ZBTB44: variants seen among roughly 807,000 people sequenced by gnomAD.
The protein encoded by ZBTB44 is zinc finger and BTB domain containing 44.
ZBTB44 carries 15 observed loss-of-function variants against 54.0 expected under a neutral mutation model. The observed-to-expected ratio is 0.28, with a 90% CI of 0.19 to 0.43. ZBTB44 has a LOEUF of 0.43. Among genes scored for constraint, ZBTB44 ranks in the 20% least tolerant of loss-of-function variants. The pLI is 1.00. For missense variants in ZBTB44, 487 were observed against 707.1 expected, an observed-to-expected ratio of 0.69 and a Z score of 3.53; for synonymous variants, 230 against 250.1, an observed-to-expected ratio of 0.92 and a Z score of 0.76.
At chr11:130,292,327 G>A (rs1050171617) in intron 1 of ZBTB44, among the ~76,000 whole-genome samples, 1 of 152,040 alleles carries the variant, frequency 6.6e-6, no homozygotes, top group Non-Finnish European at 1.5e-5. Context: ...TTATACTGCA[G>A]TGATTCCATA....
At chr11:130,241,123 G>C (rs1012616015) in intron 2 of ZBTB44, among the ~76,000 whole-genome samples, 1 of 152,062 alleles carries the variant, frequency 6.6e-6, no homozygotes, top group Admixed American at 6.6e-5. Context: ...ACTCTTGATG[G>C]ACAGTTTTTT....
chr11:130,234,228 G>A lies in ZBTB44; in HGVS notation c.1614C>T (p.Thr538=), dbSNP rs769074062. Residue 538 remains threonine (T), a synonymous_variant, in exon 6 of 8, where the codon ACC becomes ACT. Coordinates refer to ENST00000357899, the MANE Select transcript of ZBTB44 (RefSeq NM_001301098.2). ...PDYLNQEQEE[T]LVQYDLGEHG... Reference sequence around the variant, plus strand: ...GTTCTCCAAGATCATATTGAACAAGGGTCTCTTCTTGTTCCTGGTTTAAGT... The same window carrying A: ...GTTCTCCAAGATCATATTGAACAAGAGTCTCTTCTTGTTCCTGGTTTAAGT... 1 of 1,527,076 alleles carries A rather than the reference G, an allele frequency of 6.5e-7. No individual in the cohort carries two copies. The highest frequency in any genetic ancestry group is 1.2e-5 in the South Asian group (1 of 80,596). 94.6% of individuals were successfully genotyped at this position (1,527,076 alleles called of 1,614,324 possible). A position where few individuals can be genotyped will look rare whatever the true frequency, so the allele number is the denominator to read the frequency against.
At chr11:130,310,321 T>G (rs1259740681) in intron 1 of ZBTB44, 1 of 152,110 alleles carries the variant, frequency 6.6e-6, no homozygotes, top group Non-Finnish European at 1.5e-5. Flanking sequence ...CATGGTGACC[T>G]CCAGGGAGTG....
At chr11:130,257,460 C>T (rs568399225) in intron 2 of ZBTB44, among the ~76,000 whole-genome samples, 4 of 152,118 alleles carry the variant, frequency 2.6e-5, no homozygotes, top group South Asian at 2.1e-4. Context: ...TGAAGACGAA[C>T]GCATATACTA....
intron 5 of ZBTB44, chr11:130,236,059 C>A: frequency 7.0e-6 from 8 of 1,134,952 alleles, no homozygotes; most frequent in South Asian, 3.7e-5. Flanking sequence ...CAATTTAAAA[C>A]AACAGTTTTA....
intron 2 of ZBTB44, among the ~76,000 whole-genome samples, chr11:130,258,559 G>A (rs192016972): frequency 6.6e-6 from 1 of 152,246 alleles, no homozygotes; most frequent in Admixed American, 6.5e-5. Flanking sequence ...CCTACTTGTG[G>A]CAGACACTGC....
intron 1 of ZBTB44, among the ~76,000 whole-genome samples, chr11:130,269,247 C>T (rs928586144): frequency 1.6e-4 from 24 of 152,196 alleles, no homozygotes; most frequent in Non-Finnish European, 2.6e-4. Context: ...CGAGATCACA[C>T]TATTGCACTC....
rs1320569464 is a variant in ZBTB44 at position 130,295,827 on chromosome 11, TAG to T, written c.-57+18546_-57+18547del. On this transcript the variant is annotated intron_variant, in intron 1 of 7. Coordinates refer to ENST00000357899, the MANE Select transcript of ZBTB44 (RefSeq NM_001301098.2). The stretch of plus-strand genomic sequence containing the variant: ...GCGGAGTCCTTGTTCTCTCACCTAC[TAG>T]AGAATTAGCCATGCAAATTTTTGGT... 5.9e-6 allele frequency: 8 copies of T among 1,366,058 alleles called. No individual in the cohort carries two copies. In the East Asian group the frequency reaches 9.2e-5, roughly 16 times the overall value. The allele number at this position is 1,366,058 out of a possible 1,614,324, so 84.6% of individuals were successfully genotyped here. A position where few individuals can be genotyped will look rare whatever the true frequency, so the allele number is the denominator to read the frequency against.
chr11:130,302,851 T>C (rs1245093576), intron 1 of ZBTB44, among the ~76,000 whole-genome samples: 1 of 152,146 alleles, frequency 6.6e-6, no homozygotes, highest in Non-Finnish European at 1.5e-5. Context: ...GGTGCGCACC[T>C]GTAATCCCAG....
chr11:130,287,757 T>C (rs1941052354), intron 1 of ZBTB44, among the ~76,000 whole-genome samples: 1 of 152,148 alleles, frequency 6.6e-6, no homozygotes, highest in African/African-American at 2.4e-5. Context: ...GGATTAACAC[T>C]AGACAGCGGA....
chr11:130,302,407 A>C (rs1413856900), intron 1 of ZBTB44, among the ~76,000 whole-genome samples: 1 of 152,194 alleles, frequency 6.6e-6, no homozygotes, highest in Non-Finnish European at 1.5e-5. Context: ...CACAAAGACA[A>C]AGAGAAGCAC....
chr11:130,280,003 G>C (rs1565673007), intron 1 of ZBTB44, among the ~76,000 whole-genome samples: 3 of 152,194 alleles, frequency 2.0e-5, no homozygotes, highest in Non-Finnish European at 1.5e-5. Context: ...TAGGAGCTGA[G>C]TACTTGGCAG....
At chr11:130,277,927 A>G (rs914118629) in intron 1 of ZBTB44, among the ~76,000 whole-genome samples, 2 of 152,186 alleles carry the variant, frequency 1.3e-5, no homozygotes, top group South Asian at 2.1e-4. Context: ...CATTTTGAAT[A>G]TGTTCTCCCA....
At chr11:130,289,310 C>T (rs1484337906) in intron 1 of ZBTB44, among the ~76,000 whole-genome samples, 2 of 151,992 alleles carry the variant, frequency 1.3e-5, no homozygotes, top group East Asian at 3.9e-4. Flanking sequence ...TGGTGAAACC[C>T]CGTCTCTACT....
intron 1 of ZBTB44, among the ~76,000 whole-genome samples, chr11:130,283,427 T>C (rs897879527): frequency 2.6e-5 from 4 of 152,070 alleles, no homozygotes; most frequent in Non-Finnish European, 5.9e-5. Flanking sequence ...ATTTCCAAAA[T>C]TTTTCATCAG....
chr11:130,279,947 G>A (rs1029698704), intron 1 of ZBTB44, among the ~76,000 whole-genome samples: 2 of 152,158 alleles, frequency 1.3e-5, no homozygotes, highest in Non-Finnish European at 2.9e-5. Context: ...TCTAAAGCTG[G>A]GGATGGAAAT....
chr11:130,301,300 G>C (rs1941973903), intron 1 of ZBTB44, among the ~76,000 whole-genome samples: 2 of 152,146 alleles, frequency 1.3e-5, no homozygotes, highest in Non-Finnish European at 2.9e-5. Flanking sequence ...AGTTTTAAGA[G>C]GCAGACTCCT....
intron 1 of ZBTB44, among the ~76,000 whole-genome samples, chr11:130,277,275 TGA>T (rs1940175173): frequency 6.6e-6 from 1 of 152,258 alleles, no homozygotes; most frequent in Admixed American, 6.5e-5. Context: ...TTATATTTTT[TGA>T]GTTGTTTTTA....
intron 1 of ZBTB44, among the ~76,000 whole-genome samples, chr11:130,269,658 G>T (rs1366550479): frequency 1.3e-5 from 2 of 152,072 alleles, no homozygotes; most frequent in East Asian, 3.8e-4. Flanking sequence ...GCCAAATAAG[G>T]TATACAGCCT....
Sources: gnomAD v4.1 joint callset for allele counts (sites outside exome capture counted in the v4.1 genomes callset) on GRCh38, gnomAD v4.1.1 for gene constraint, MANE v1.5 for transcripts, NCBI Gene and HGNC (gene_info 2026-07-23, HGNC 2026-07-21) for gene names.